Variants in CDH18 observed in about 807,000 individuals in gnomAD.
CDH18 encodes cadherin 18.
A neutral mutation model predicts 67.9 loss-of-function variants in CDH18; 31 were observed. The ratio of observed to expected loss-of-function variants is 0.46; its 90% confidence interval spans 0.34 to 0.62. The LOEUF is 0.62. Ranked by LOEUF, CDH18 falls within the 20% of genes least tolerant of loss-of-function variation. The probability of loss-of-function intolerance (pLI) is 0.01; values close to 1 mark genes in which losing one functional copy is unlikely to be tolerated. For synonymous variants in CDH18, 362 were observed against 347.2 expected (o/e 1.04, Z -0.48); for missense variants, 890 against 975.5 (o/e 0.91, Z 1.17).
chr5:20,408,785 A>G (rs1253530341), intron 1 of CDH18, among the ~76,000 whole-genome samples: 1 of 151,872 alleles, frequency 6.6e-6, no homozygotes, highest in Non-Finnish European at 1.5e-5. Flanking sequence ...CCAATAAAAC[A>G]TATGGAACAG....
rs1737804638 is a variant in CDH18, at chr5:19,473,075, T to C, written c.*151A>G. ...TTTCTTCCAATTAAATAACCCAGTT[T>C]CGATCATGAAAAGGGCACTTGTTTC... is the stretch of plus-strand genomic sequence containing the variant. On this transcript the variant is annotated 3_prime_UTR_variant, in exon 13 of 13. Coordinates refer to ENST00000382275, the MANE Select transcript of CDH18 (RefSeq NM_004934.5). 1.3e-6 allele frequency: 1 copy of C among 791,310 alleles called. No homozygotes were observed. The highest frequency in any genetic ancestry group is 1.7e-5 in the African/African-American group (1 of 57,790). 49.0% of individuals were successfully genotyped at this position (791,310 alleles called of 1,614,324 possible).
intron 2 of CDH18, among the ~76,000 whole-genome samples, chr5:20,032,133 A>G (rs1580081513): frequency 2.6e-5 from 4 of 152,172 alleles, no homozygotes; most frequent in Admixed American, 2.0e-4. Context: ...GTATGTATGT[A>G]GCAGTTAATA....
chr5:20,236,828 T>C (rs1742508089), intron 2 of CDH18, among the ~76,000 whole-genome samples: 1 of 152,040 alleles, frequency 6.6e-6, no homozygotes, highest in African/African-American at 2.4e-5. Context: ...CAGTTTATTT[T>C]ATGAGACAGG....
intron 3 of CDH18, among the ~76,000 whole-genome samples, chr5:19,759,080 G>C (rs1214854671): frequency 2.0e-5 from 3 of 152,226 alleles, no homozygotes; most frequent in Non-Finnish European, 4.4e-5. Flanking sequence ...GGAGAAAAAG[G>C]CATTTGCCAA....
chr5:20,294,787 G>T, intron 1 of CDH18, among the ~76,000 whole-genome samples: 1 of 152,024 alleles, frequency 6.6e-6, no homozygotes, highest in East Asian at 1.9e-4. Context: ...AAGTGTTTTT[G>T]CTTGTGTGTT....
chr5:20,295,377 T>C (rs990826901), intron 1 of CDH18, among the ~76,000 whole-genome samples: 3 of 151,920 alleles, frequency 2.0e-5, no homozygotes, highest in African/African-American at 7.3e-5. Context: ...AATGAGACAA[T>C]GGAGATTGAA....
At chr5:20,194,668 TTA>T (rs201741058) in intron 2 of CDH18, among the ~76,000 whole-genome samples, 11,831 of 116,276 alleles carry the variant, frequency 0.1, 724 homozygotes, top group East Asian at 0.31. Flanking sequence ...ATTTTTTTTT[TTA>T]AAAAGAATGG....
chr5:19,924,372 C>T (rs1561569347), intron 2 of CDH18, among the ~76,000 whole-genome samples: 1 of 152,056 alleles, frequency 6.6e-6, no homozygotes, highest in Non-Finnish European at 1.5e-5. Flanking sequence ...TGTGGTGGCT[C>T]ACGCCTATAA....
At chr5:19,809,617 T>C (rs1452167084) in intron 3 of CDH18, among the ~76,000 whole-genome samples, 2 of 152,206 alleles carry the variant, frequency 1.3e-5, no homozygotes, top group Non-Finnish European at 2.9e-5. Flanking sequence ...AAAAGTTTCA[T>C]ATGAGAAATT....
intron 5 of CDH18, among the ~76,000 whole-genome samples, chr5:19,696,914 G>A (rs775954320): frequency 1.3e-5 from 2 of 152,084 alleles, no homozygotes. Context: ...TTTGTTTAAT[G>A]TTCTAAGAAG....
rs146782400 is a variant in CDH18, at chr5:20,165,229, C to T, written c.-518+90215G>A. On this transcript the variant is annotated intron_variant, in intron 2 of 14. Coordinates refer to the CDH18 transcript ENST00000507958. ...AAATGAATATTCTAAATTTAGAATG[C>T]ATGTCTTCTCCTTGATTAAACGTGT... Among the ~76,000 whole-genome samples the T allele has an allele frequency of 4.8e-3, 735 of 151,982 alleles. 8 individuals are homozygous for T. Among genetic ancestry groups the T allele is most frequent in the African/African-American group, 0.016 (678 of 41,482 alleles).
At chr5:19,814,140 A>G (rs984519754) in intron 3 of CDH18, among the ~76,000 whole-genome samples, 4 of 151,900 alleles carry the variant, frequency 2.6e-5, no homozygotes, top group Non-Finnish European at 5.9e-5. Flanking sequence ...TTTAAAATAA[A>G]TAAAGTCTCA....
rs551181308 is a variant in CDH18, at chr5:20,023,608, G to A, written c.-517-31594C>T. On this transcript the variant is annotated intron_variant, in intron 2 of 14. Transcript: ENST00000507958. ...CGGGAGGCGGAGTTTGTAGTTAGCC[G>A]AGATCGCGCCACTGCACTCCAGCCT... Among the ~76,000 whole-genome samples, 124 of 145,082 alleles carry A rather than the reference G, an allele frequency of 8.5e-4. 1 individual carries two copies. Among genetic ancestry groups the A allele is most frequent in the African/African-American group, 3.0e-3 (116 of 38,904 alleles).
At chr5:20,230,806 T>C (rs149351268) in intron 2 of CDH18, among the ~76,000 whole-genome samples, 72 of 152,290 alleles carry the variant, frequency 4.7e-4, no homozygotes, top group African/African-American at 1.7e-3. Flanking sequence ...GAATTGAATA[T>C]AGCAAAGGCT....
At chr5:19,653,657 C>T (rs960670719) in intron 5 of CDH18, among the ~76,000 whole-genome samples, 5 of 152,096 alleles carry the variant, frequency 3.3e-5, no homozygotes, top group African/African-American at 1.2e-4. Flanking sequence ...GAGAAAGATC[C>T]CCCCAGGCCA....
intron 3 of CDH18, among the ~76,000 whole-genome samples, chr5:19,802,595 T>TTG (rs1043158026): frequency 8.5e-5 from 13 of 152,140 alleles, no homozygotes; most frequent in African/African-American, 2.9e-4. Flanking sequence ...GCATATGTGT[T>TTG]TGTGTGTGTG....
intron 1 of CDH18, among the ~76,000 whole-genome samples, chr5:20,446,053 T>C (rs933438411): frequency 6.6e-6 from 1 of 152,162 alleles, no homozygotes; most frequent in Non-Finnish European, 1.5e-5. Context: ...AAACTGCATA[T>C]GTTTTTACCC....
intron 6 of CDH18, among the ~76,000 whole-genome samples, chr5:19,599,014 T>C (rs927741160): frequency 1.3e-5 from 2 of 152,162 alleles, no homozygotes; most frequent in African/African-American, 4.8e-5. Flanking sequence ...TTTGTTGTTT[T>C]ATCACTAAAA....
Position 20,277,174 on chromosome 5 carries a change from G to A in CDH18, c.-579-21669C>T, listed in dbSNP as rs1745873302. ...GAGTGAACACAGGCGGTAGCCAGGA[G>A]GTGGTTACTGCAGGCCTTCGGTGAG... is the stretch of plus-strand genomic sequence containing the variant. On this transcript the variant is annotated intron_variant, in intron 1 of 14. Transcript: ENST00000507958. Among the ~76,000 whole-genome samples the A allele has an allele frequency of 2.0e-5, 3 of 152,142 alleles. No individual in the cohort carries two copies. The South Asian group carries it at 6.2e-4, about 31-fold the overall frequency.
Sources: gnomAD v4.1 joint callset for allele counts (sites outside exome capture counted in the v4.1 genomes callset) on GRCh38, gnomAD v4.1.1 for gene constraint, MANE v1.5 for transcripts, NCBI Gene and HGNC (gene_info 2026-07-23, HGNC 2026-07-21) for gene names.